The following HSD17B12 variants were observed in gnomAD, a reference collection of about 807,000 sequenced individuals.
HSD17B12 encodes very-long-chain 3-oxoacyl-CoA reductase.
HSD17B12 carries 32 observed loss-of-function variants against 39.3 expected under a neutral mutation model. The observed-to-expected ratio is 0.81, with a 90% CI of 0.61 to 1.09. The LOEUF is 1.09. Among genes scored for constraint, HSD17B12 ranks in the 50% least tolerant of loss-of-function variants. The pLI, the probability that HSD17B12 is intolerant of heterozygous loss-of-function variation, is 0.00. For synonymous variants in HSD17B12, 150 were observed against 146.7 expected (o/e 1.02, Z -0.16); for missense variants, 342 against 382.9 (o/e 0.89, Z 0.89).
At chr11:43,750,841 T>G in intron 1 of HSD17B12, 70 bp from the exon 2 acceptor site, 1 of 1,012,002 alleles carries the variant, frequency 9.9e-7, no homozygotes, top group Admixed American at 2.2e-5. Context: ...ATGTAATTGG[T>G]GGGTCCTAAC....
chr11:43,635,439 AT>A, the HSD17B12 span, among the ~76,000 whole-genome samples: 4,006 of 152,314 alleles, frequency 0.026, 78 homozygotes, highest in South Asian at 0.11. Flanking sequence ...TGCATTTTAA[AT>A]TATAGAATTG....
chr11:43,819,694 A>G (rs1951163082), intron 6 of HSD17B12, among the ~76,000 whole-genome samples: 1 of 152,162 alleles, frequency 6.6e-6, no homozygotes, highest in South Asian at 2.1e-4. Flanking sequence ...GTTAGTGGAG[A>G]CAAATGCTAA....
intron 1 of HSD17B12, among the ~76,000 whole-genome samples, chr11:43,727,520 A>G (rs941741494): frequency 2.0e-5 from 3 of 150,240 alleles, no homozygotes; most frequent in African/African-American, 7.4e-5. Flanking sequence ...GAGTCTTGCT[A>G]TATTGCCCAG....
chr11:43,824,672 A>G (rs1420954941), intron 6 of HSD17B12, among the ~76,000 whole-genome samples: 3 of 152,158 alleles, frequency 2.0e-5, no homozygotes, highest in Non-Finnish European at 4.4e-5. Flanking sequence ...ATGTCACCAT[A>G]TTGGGGATTA....
the HSD17B12 span, among the ~76,000 whole-genome samples, chr11:43,635,067 A>G: frequency 2.6e-5 from 4 of 152,228 alleles, no homozygotes; most frequent in Non-Finnish European, 5.9e-5. Context: ...AAGTTATCTC[A>G]GCAAATATAA....
intron 3 of HSD17B12, among the ~76,000 whole-genome samples, chr11:43,771,462 CTTTTTTT>C (rs34783257): frequency 1.1e-5 from 1 of 90,640 alleles, no homozygotes; most frequent in South Asian, 3.9e-4. Flanking sequence ...GACTCATATT[CTTTTTTT>C]TTTTTTTTTT....
chr11:43,686,576 C>A (rs1399778569), intron 1 of HSD17B12, among the ~76,000 whole-genome samples: 1 of 149,880 alleles, frequency 6.7e-6, no homozygotes, highest in Non-Finnish European at 1.5e-5. Context: ...TCCCGACTAG[C>A]CCCCATTGCT....
Position 43,754,040 on chromosome 11 carries a change from T to C in HSD17B12, c.208-6T>C. 2 of 1,602,228 alleles carry C rather than the reference T, an allele frequency of 1.2e-6. No individual in the cohort carries two copies. The highest frequency in any genetic ancestry group is 8.5e-7 in the Non-Finnish European group (1 of 1,170,074). On this transcript the variant is annotated splice_polypyrimidine_tract_variant and splice_region_variant and intron_variant, in intron 2 of 10. Coordinates refer to ENST00000278353, the MANE Select transcript of HSD17B12 (RefSeq NM_016142.3). ...GGTGTGATTCAAATCTCCTTTACTG[T>C]TTCAGTTAGCAAAGCATGGAATGAA...
At chr11:43,719,078 A>G (rs1950152452) in intron 1 of HSD17B12, 17 of 781,076 alleles carry the variant, frequency 2.2e-5, no homozygotes, top group South Asian at 2.1e-4. Flanking sequence ...TGGAGAGAAG[A>G]AAGCATATGT....
At chr11:43,581,784 TCCC>T in the HSD17B12 span, among the ~76,000 whole-genome samples, 1 of 151,926 alleles carries the variant, frequency 6.6e-6, no homozygotes, top group East Asian at 1.9e-4. This position sits in a 1 kb window ranked among gnomAD's most constrained non-coding sequence, Gnocchi z 4.9. Context: ...AGTTGTGTCT[TCCC>T]CCCAACCCCC....
the HSD17B12 span, among the ~76,000 whole-genome samples, chr11:43,613,403 C>T: frequency 6.7e-6 from 1 of 148,730 alleles, no homozygotes; most frequent in East Asian, 2.0e-4. Context: ...AAAAAAAAAA[C>T]AACAAAACAA....
intron 1 of HSD17B12, among the ~76,000 whole-genome samples, chr11:43,729,984 T>G (rs1950253956): frequency 6.6e-6 from 1 of 152,144 alleles, no homozygotes; most frequent in Non-Finnish European, 1.5e-5. Context: ...GCTGTAGGTT[T>G]ATTGTTTTAA....
At chr11:43,698,696 G>A (rs1435264380) in intron 1 of HSD17B12, among the ~76,000 whole-genome samples, 2 of 152,170 alleles carry the variant, frequency 1.3e-5, no homozygotes, top group African/African-American at 4.8e-5. Flanking sequence ...GATATTAAGA[G>A]TCTTTGGAAG....
the HSD17B12 span, among the ~76,000 whole-genome samples, chr11:43,606,747 G>A: frequency 6.6e-6 from 1 of 152,232 alleles, no homozygotes; most frequent in South Asian, 2.1e-4. Flanking sequence ...GGGATAGGCA[G>A]TGCTCTATGT....
intron 1 of HSD17B12, among the ~76,000 whole-genome samples, chr11:43,700,768 C>G (rs1304395314): frequency 6.6e-6 from 1 of 152,160 alleles, no homozygotes; most frequent in Non-Finnish European, 1.5e-5. Flanking sequence ...CAAATCTTAG[C>G]TATTGTAAAC....
chr11:43,563,192 A>T, the HSD17B12 span, among the ~76,000 whole-genome samples: 1 of 152,178 alleles, frequency 6.6e-6, no homozygotes, highest in Non-Finnish European at 1.5e-5. Context: ...TGTATGGCCC[A>T]TTATGGAAGG....
intron 6 of HSD17B12, among the ~76,000 whole-genome samples, chr11:43,819,515 G>A (rs140375180): frequency 6.6e-6 from 1 of 152,262 alleles, no homozygotes; most frequent in African/African-American, 2.4e-5. Flanking sequence ...AGCACAAATC[G>A]AAGAGCACCA....
upstream of HSD17B12, among the ~76,000 whole-genome samples, chr11:43,677,794 A>G (rs562004116): frequency 1.3e-5 from 2 of 152,218 alleles, no homozygotes; most frequent in Non-Finnish European, 2.9e-5. Flanking sequence ...ATGGCTGTAT[A>G]GTATTCCATG....
intron 5 of HSD17B12, among the ~76,000 whole-genome samples, 199 bp downstream of exon 5, chr11:43,815,700 G>A (rs1327345861): frequency 6.6e-6 from 1 of 151,990 alleles, no homozygotes; most frequent in Non-Finnish European, 1.5e-5. Context: ...GCTTCATAGG[G>A]GTATTAGAAA....
Sources: gnomAD v4.1 joint callset for allele counts (sites outside exome capture counted in the v4.1 genomes callset) on GRCh38, gnomAD v4.1.1 for gene constraint, Gnocchi (gnomAD v3.1) non-coding constraint, MANE v1.5 for transcripts, NCBI Gene and HGNC (gene_info 2026-07-23, HGNC 2026-07-21) for gene names.